Variants in INTU observed in about 807,000 individuals in gnomAD.
The protein encoded by INTU is inturned planar cell polarity protein.
Under a neutral mutation model 100.5 loss-of-function variants are expected in INTU, and 68 were observed. The observed-to-expected ratio is 0.68, with a 90% confidence interval of 0.56 to 0.83. The LOEUF (loss-of-function observed/expected upper bound fraction) is 0.83. Among genes scored for constraint, INTU ranks in the 40% least tolerant of loss-of-function variants. The pLI, the probability that INTU is intolerant of heterozygous loss-of-function variation, is 0.00. For missense variants in INTU, 1,071 were observed against 1,114.7 expected (o/e 0.96, Z 0.56); for synonymous variants, 357 against 395.7 (o/e 0.90, Z 1.16).
chr4:127,676,816 G>A (rs568094635), intron 6 of INTU, among the ~76,000 whole-genome samples: 7 of 152,296 alleles, frequency 4.6e-5, no homozygotes, highest in South Asian at 4.1e-4. Flanking sequence ...CTCGGGAAGC[G>A]CAAGGGGTCA....
chr4:127,656,196 A>G (rs889458539), intron 2 of INTU, among the ~76,000 whole-genome samples: 32 of 151,900 alleles, frequency 2.1e-4, no homozygotes, highest in Non-Finnish European at 2.9e-5. Context: ...CGTCGCTCAC[A>G]CTGGGAGCTG....
intron 2 of INTU, among the ~76,000 whole-genome samples, chr4:127,651,143 A>G (rs1375917216): frequency 2.0e-5 from 3 of 151,806 alleles, no homozygotes; most frequent in East Asian, 1.9e-4. Flanking sequence ...AGTAGGTTGC[A>G]AAAATTTTCT....
At position 127,720,749 on chromosome 4, in the gene INTU, T is replaced by A. The variant is rs1466404870; in HGVS notation, c.*4313T>A. 2 of 152,218 alleles carry A rather than the reference T, an allele frequency of 1.3e-5. No individual in the cohort carries two copies. The highest frequency in any genetic ancestry group is 4.8e-5 in the African/African-American group (2 of 41,456). The allele number at this position is 152,218 out of a possible 1,614,324, so 9.4% of individuals were successfully genotyped here. On this transcript the variant is annotated 3_prime_UTR_variant, in exon 16 of 16. Coordinates refer to ENST00000335251, the MANE Select transcript of INTU (RefSeq NM_015693.4). ...GTATGTAATGCCTTTGTCTTTTTTT[T>A]AATCTTTATTCGTTTAAAGTCTTTG...
chr4:127,638,133 G>T (rs1309805222), intron 1 of INTU, among the ~76,000 whole-genome samples: 2 of 152,108 alleles, frequency 1.3e-5, no homozygotes, highest in African/African-American at 4.8e-5. Context: ...ACACAGAAAA[G>T]AAAACACAGA....
rs184836329 is a variant in INTU at position 127,723,168 on chromosome 4, C to G, written c.*6732C>G. 1.9e-3 allele frequency: 289 copies of G among 152,220 alleles called. 2 individuals carry two copies. The highest frequency in any genetic ancestry group is 6.5e-3 in the African/African-American group (271 of 41,492). The allele number at this position is 152,220 out of a possible 1,614,324, so 9.4% of individuals were successfully genotyped here. A position where few individuals can be genotyped will look rare whatever the true frequency, so the allele number is the denominator to read the frequency against. On this transcript the variant is annotated 3_prime_UTR_variant, in exon 16 of 16. Transcript: ENST00000335251. ...TCCTTCACCATCTCCCTTGGCTGGACGAGGGAGTTCACTTTGCTGCGTGCA... is the reference window on the plus strand; with the variant it reads ...TCCTTCACCATCTCCCTTGGCTGGAGGAGGGAGTTCACTTTGCTGCGTGCA...
At chr4:127,645,894 T>C (rs973017746) in intron 2 of INTU, among the ~76,000 whole-genome samples, 2 of 151,800 alleles carry the variant, frequency 1.3e-5, no homozygotes, top group Non-Finnish European at 2.9e-5. Flanking sequence ...TCAGAATTAT[T>C]TGGATAGGCC....
rs78633759 is a variant in INTU, at chr4:127,703,334, C to T, written c.1504-894C>T. Among the ~76,000 whole-genome samples, 776 of 152,142 alleles carry T rather than the reference C, an allele frequency of 5.1e-3. 9 individuals carry two copies. Among genetic ancestry groups the T allele is most frequent in the African/African-American group, 0.018 (748 of 41,510 alleles). Reference sequence around the variant, plus strand: ...AACTTATAAAAGTAATAGCTGTGTACGGGGTGAAGCTCCAAGCATGGTTAT... The same window carrying T: ...AACTTATAAAAGTAATAGCTGTGTATGGGGTGAAGCTCCAAGCATGGTTAT... On this transcript the variant is annotated intron_variant, in intron 9 of 15. Coordinates refer to ENST00000335251, the MANE Select transcript of INTU (RefSeq NM_015693.4).
rs1730693623 is a variant in INTU at position 127,702,512 on chromosome 4, G to A, written c.1504-1716G>A. 3.3e-5 allele frequency among the ~76,000 whole-genome samples: 5 copies of A among 152,044 alleles called. 1 individual carries two copies. The highest frequency in any genetic ancestry group is 3.3e-4 in the Admixed American group (5 of 15,252). On this transcript the variant is annotated intron_variant, in intron 9 of 15. Transcript: ENST00000335251. The stretch of plus-strand genomic sequence containing the variant: ...ATATCCAGGAATGGACTACTACTCA[G>A]AAAAAAAGTTGGTGTAGGGAGGTGT...
intron 14 of INTU, among the ~76,000 whole-genome samples, chr4:127,713,655 C>T (rs1731166302): frequency 6.6e-6 from 1 of 152,064 alleles, no homozygotes; most frequent in Non-Finnish European, 1.5e-5. Context: ...CTGTGGAAGA[C>T]AGATCTATAA....
chr4:127,714,179 A>G (rs1481644433), intron 15 of INTU, 86 bp downstream of exon 15: 36 of 1,150,992 alleles, frequency 3.1e-5, no homozygotes, highest in Non-Finnish European at 3.9e-5. Flanking sequence ...TTAAAATGTA[A>G]GCATGGAATT....
chr4:127,634,720 T>C (rs1726992389), intron 1 of INTU, among the ~76,000 whole-genome samples: 1 of 152,236 alleles, frequency 6.6e-6, no homozygotes, highest in South Asian at 2.1e-4. Flanking sequence ...AAAATCCCTA[T>C]CATAAGATGT....
At chr4:127,674,286 A>G (rs1020671972) in intron 6 of INTU, 73 bp downstream of exon 6, 53 of 1,209,136 alleles carry the variant, frequency 4.4e-5, no homozygotes, top group Non-Finnish European at 5.8e-5. Flanking sequence ...AAATTATTAC[A>G]TTTTTGTCAA....
At chr4:127,698,061 G>A (rs1047067632) in intron 8 of INTU, among the ~76,000 whole-genome samples, 2 of 152,060 alleles carry the variant, frequency 1.3e-5, no homozygotes, top group African/African-American at 2.4e-5. Flanking sequence ...CGGAGGTTGC[G>A]GTGAGCTGAG....
intron 6 of INTU, 119 bp from the exon 7 acceptor site, chr4:127,684,290 G>A (rs1165048554): frequency 1.6e-6 from 1 of 630,020 alleles, no homozygotes; most frequent in Non-Finnish European, 2.8e-6. Context: ...GCTTTACTCA[G>A]AGTTGACACA....
In INTU at chr4:127,632,973, C is replaced by T; in HGVS notation, c.-62C>T. 3 of 1,539,124 alleles carry T rather than the reference C, an allele frequency of 1.9e-6. No homozygotes were observed. The highest frequency in any genetic ancestry group is 2.3e-5 in the East Asian group (1 of 43,446). ...TTCCCAAGCAGAGGCAACATGGCGG[C>T]CTTAGCAAGCTATAGCTGCGAGATT... On this transcript the variant is annotated 5_prime_UTR_variant, in exon 1 of 16. Transcript: ENST00000335251.
intron 5 of INTU, among the ~76,000 whole-genome samples, 153 bp from the exon 6 acceptor site, chr4:127,673,971 T>C (rs1410756357): frequency 6.6e-6 from 1 of 152,052 alleles, no homozygotes; most frequent in African/African-American, 2.4e-5. Context: ...ATATAATTCC[T>C]TGCGTTTTTT....
intron 6 of INTU, among the ~76,000 whole-genome samples, chr4:127,678,209 T>C (rs1729327906): frequency 6.6e-6 from 1 of 152,130 alleles, no homozygotes; most frequent in African/African-American, 2.4e-5. Context: ...TTCCCCAATC[T>C]AGCAAGGCAG....
chr4:127,700,143 AG>A (rs1730585655), intron 9 of INTU, 80 bp downstream of exon 9: 1 of 1,115,538 alleles, frequency 9.0e-7, no homozygotes, highest in Admixed American at 2.1e-5. Flanking sequence ...ATATTTACCA[AG>A]TGGATATATA....
chr4:127,711,440 T>C (rs924414327), intron 14 of INTU, among the ~76,000 whole-genome samples: 4 of 152,184 alleles, frequency 2.6e-5, no homozygotes, highest in Non-Finnish European at 5.9e-5. Flanking sequence ...AATTGGTTCC[T>C]AAAATAACTC....
Sources: gnomAD v4.1 joint callset for allele counts (sites outside exome capture counted in the v4.1 genomes callset) on GRCh38, gnomAD v4.1.1 for gene constraint, MANE v1.5 for transcripts, NCBI Gene and HGNC (gene_info 2026-07-23, HGNC 2026-07-21) for gene names.